RANBP2: variants seen among roughly 807,000 people sequenced by gnomAD.
RANBP2 encodes the protein RAN binding protein 2, also known as E3 SUMO-protein ligase RanBP2.
A neutral mutation model predicts 303.6 loss-of-function variants in RANBP2; 57 were observed. That is an observed-to-expected ratio of 0.19 (90% CI 0.15 to 0.23). RANBP2 has a LOEUF of 0.23. Ranked by LOEUF, RANBP2 falls within the 10% of genes least tolerant of loss-of-function variation. The pLI, the probability that RANBP2 is intolerant of heterozygous loss-of-function variation, is 1.00. For synonymous variants in RANBP2, 1,167 were observed against 1,301.5 expected (o/e 0.90, Z 2.23); for missense variants, 3,138 against 3,780.8 (o/e 0.83, Z 4.46).
the RANBP2 span, among the ~76,000 whole-genome samples, chr2:108,982,952 T>G: frequency 6.6e-6 from 1 of 152,194 alleles, no homozygotes; most frequent in Non-Finnish European, 1.5e-5. Flanking sequence ...CAAATCTCTC[T>G]AAGAATGAGC....
At chr2:109,450,162 A>G in the RANBP2 span, among the ~76,000 whole-genome samples, 2 of 152,194 alleles carry the variant, frequency 1.3e-5, no homozygotes, top group African/African-American at 4.8e-5. Context: ...CCTGGCCAAC[A>G]TGGCAAAACC....
the RANBP2 span, among the ~76,000 whole-genome samples, chr2:108,971,323 G>C: frequency 6.6e-6 from 1 of 152,006 alleles, no homozygotes; most frequent in African/African-American, 2.4e-5. Flanking sequence ...CATTACCCAG[G>C]AGCTCGTTAG....
the RANBP2 span, among the ~76,000 whole-genome samples, chr2:109,182,926 T>C: frequency 6.6e-6 from 1 of 152,188 alleles, no homozygotes; most frequent in South Asian, 2.1e-4. Flanking sequence ...ACTTAAACGT[T>C]TCCCATGAAT....
At chr2:109,194,419 T>C in the RANBP2 span, among the ~76,000 whole-genome samples, 2 of 152,206 alleles carry the variant, frequency 1.3e-5, no homozygotes, top group Non-Finnish European at 2.9e-5. Flanking sequence ...CCATCCACAG[T>C]CTTCAGCTGC....
chr2:108,795,669 C>T, the RANBP2 span, among the ~76,000 whole-genome samples: 1 of 152,048 alleles, frequency 6.6e-6, no homozygotes, highest in Non-Finnish European at 1.5e-5. Flanking sequence ...CTAAAATCAC[C>T]AGGAAAAGTT....
the RANBP2 span, among the ~76,000 whole-genome samples, chr2:109,293,370 G>A: frequency 2.0e-5 from 3 of 152,202 alleles, no homozygotes; most frequent in Non-Finnish European, 1.5e-5. Context: ...GAAAAATCTG[G>A]GAAAGGGGCT....
the RANBP2 span, chr2:109,129,665 C>G: frequency 1.3e-6 from 2 of 1,507,706 alleles, no homozygotes; most frequent in Non-Finnish European, 1.8e-6. Flanking sequence ...GCCGCGGGGG[C>G]GGGCGAGGAC....
chr2:109,482,352 A>G, the RANBP2 span, among the ~76,000 whole-genome samples: 4 of 152,340 alleles, frequency 2.6e-5, no homozygotes, highest in Admixed American at 1.3e-4. Context: ...GGCTAAGAGC[A>G]GTTCAGGAAC....
Position 108,772,239 on chromosome 2 carries a change from A to G in RANBP2, c.8021-250A>G, listed in dbSNP as rs576670096. Among the ~76,000 whole-genome samples the G allele has an allele frequency of 6.8e-4, 104 of 152,348 alleles. 1 individual carries two copies. The highest frequency in any genetic ancestry group is 3.4e-3 in the Middle Eastern group (1 of 294). On this transcript the variant is annotated intron_variant, in intron 21 of 28. Coordinates refer to ENST00000283195, the MANE Select transcript of RANBP2 (RefSeq NM_006267.5). ...GACAGTTAAATAAAAGTCTCAATAG[A>G]ATCAGTTGGACAGTGGTATATAGTA...
At chr2:109,298,153 T>G in the RANBP2 span, among the ~76,000 whole-genome samples, 1 of 151,436 alleles carries the variant, frequency 6.6e-6, no homozygotes, top group Admixed American at 6.6e-5. Context: ...CAAGGGCGGG[T>G]GGATGGCCCA....
chr2:109,693,279 C>T, the RANBP2 span, among the ~76,000 whole-genome samples: 2,024 of 152,222 alleles, frequency 0.013, 54 homozygotes, highest in African/African-American at 0.046. Flanking sequence ...TCAAGTGATT[C>T]TTATGCCTCA....
chr2:109,203,839 T>G, the RANBP2 span, among the ~76,000 whole-genome samples: 1 of 152,170 alleles, frequency 6.6e-6, no homozygotes, highest in Admixed American at 6.5e-5. Flanking sequence ...CTCTCTTGTG[T>G]GGGTGCCTCG....
At chr2:108,745,567 C>A (rs192618304) in intron 7 of RANBP2, among the ~76,000 whole-genome samples, 184 of 150,088 alleles carry the variant, frequency 1.2e-3, no homozygotes, top group African/African-American at 4.5e-3. Context: ...GCAGCTGTCA[C>A]GTCTTCCCTT....
chr2:108,755,159 T>G lies in RANBP2; in HGVS notation c.2383-17T>G. 6.2e-7 allele frequency: 1 copy of G among 1,611,764 alleles called. No homozygotes were observed. Among genetic ancestry groups the G allele is most frequent in the Non-Finnish European group, 8.5e-7 (1 of 1,179,840 alleles). On this transcript the variant is annotated splice_polypyrimidine_tract_variant and intron_variant, in intron 16 of 28. Transcript: ENST00000283195. ...AAGTGTTTTAAATGCTGTTTTGTTA[T>G]TTTTATTTTTTTTTAGTATTCTCCC...
chr2:108,929,984 G>A, the RANBP2 span: 184 of 1,091,434 alleles, frequency 1.7e-4, 2 homozygotes, highest in South Asian at 1.9e-3. Flanking sequence ...CAATCTCAAC[G>A]TCCAGGGAGC....
chr2:109,258,787 A>AT, the RANBP2 span, among the ~76,000 whole-genome samples: 2 of 152,188 alleles, frequency 1.3e-5, no homozygotes, highest in Admixed American at 1.3e-4. Flanking sequence ...GTCCTTCCTA[A>AT]TAGGGGTAGG....
the RANBP2 span, among the ~76,000 whole-genome samples, chr2:109,268,833 A>G: frequency 6.6e-6 from 1 of 152,112 alleles, no homozygotes; most frequent in African/African-American, 2.4e-5. Context: ...AGGCTATGCT[A>G]TGAGGTTTGC....
the RANBP2 span, among the ~76,000 whole-genome samples, chr2:108,903,755 T>C: frequency 6.6e-6 from 1 of 152,132 alleles, no homozygotes; most frequent in Non-Finnish European, 1.5e-5. Flanking sequence ...AACTCAAACT[T>C]AAATGCAAAA....
At chr2:109,196,205 G>A in the RANBP2 span, among the ~76,000 whole-genome samples, 1 of 152,316 alleles carries the variant, frequency 6.6e-6, no homozygotes, top group African/African-American at 2.4e-5. Context: ...GTCCACCCTT[G>A]AGGCCATGTC....
Sources: allele counts gnomAD v4.1 joint callset (sites outside exome capture counted in the v4.1 genomes callset), GRCh38; gene constraint gnomAD v4.1.1; transcripts MANE v1.5; gene names NCBI Gene and HGNC (gene_info 2026-07-23, HGNC 2026-07-21).